Variants in SETD3 observed in about 807,000 individuals in gnomAD.
The protein encoded by SETD3 is actin-histidine N-methyltransferase.
In SETD3, 19 loss-of-function variants were observed where a neutral mutation model predicts 63.0. The ratio of observed to expected loss-of-function variants is 0.30; its 90% CI spans 0.21 to 0.44. The LOEUF (loss-of-function observed/expected upper bound fraction) is 0.44, where lower values mean the gene tolerates loss of function less well. Ranked by LOEUF, SETD3 falls within the 20% of genes least tolerant of loss-of-function variation. The pLI is 1.00. For synonymous variants in SETD3, 286 were observed against 264.1 expected (o/e 1.08, Z -0.80); for missense variants, 587 against 728.5 (o/e 0.81, Z 2.24).
At chr14:99,477,648 G>A (rs952910352) in intron 1 of SETD3, among the ~76,000 whole-genome samples, 17 of 150,364 alleles carry the variant, frequency 1.1e-4, no homozygotes, top group African/African-American at 3.9e-4. Flanking sequence ...CAGCTGCTCA[G>A]AGGCTGAGGC....
chr14:99,441,066 T>C (rs1355932026), intron 6 of SETD3, among the ~76,000 whole-genome samples: 1 of 152,198 alleles, frequency 6.6e-6, no homozygotes, highest in East Asian at 1.9e-4. Context: ...TGTAGACTCC[T>C]CTCAGGTTTA....
chr14:99,453,860 A>C (rs765067958), intron 6 of SETD3, among the ~76,000 whole-genome samples: 2 of 152,054 alleles, frequency 1.3e-5, no homozygotes, highest in Non-Finnish European at 2.9e-5. Context: ...GTGTATTATC[A>C]ATATGTAATG....
rs756682785 is a variant in SETD3 at position 99,412,963 on chromosome 14, G to A, written c.837C>T (p.His279=). The A allele has an allele frequency of 6.2e-7, 1 of 1,610,160 alleles. No homozygotes were observed. The highest frequency in any genetic ancestry group is 8.5e-7 in the Non-Finnish European group (1 of 1,176,412). The change falls in exon 8 of 13, where the codon CAC becomes CAT. Residue 279 remains histidine, a synonymous_variant. Coordinates refer to ENST00000331768, the MANE Select transcript of SETD3 (RefSeq NM_032233.3). The part of the protein sequence containing the change: ...ALIPLWDMCN[H]TNGLITTGYN... Reference sequence around the variant, plus strand: ...AAGAGGTCGTTACCAGGCCGTTGGTGTGGTTACACATATCCCATAAAGGAA... The same window carrying A: ...AAGAGGTCGTTACCAGGCCGTTGGTATGGTTACACATATCCCATAAAGGAA...
intron 6 of SETD3, among the ~76,000 whole-genome samples, chr14:99,419,114 C>T (rs1048017608): frequency 6.6e-6 from 1 of 152,118 alleles, no homozygotes; most frequent in African/African-American, 2.4e-5. Context: ...GGAAAAAAAT[C>T]AATTTTTAAG....
At chr14:99,458,854 G>A (rs1894913334) in intron 5 of SETD3, among the ~76,000 whole-genome samples, 1 of 151,458 alleles carries the variant, frequency 6.6e-6, no homozygotes. Context: ...GGGAGATCAA[G>A]GCTGTAGTGA....
chr14:99,437,523 G>C (rs1418055318), intron 6 of SETD3, among the ~76,000 whole-genome samples: 2 of 152,196 alleles, frequency 1.3e-5, no homozygotes, highest in African/African-American at 4.8e-5. Flanking sequence ...AACTACACCA[G>C]CACCTCTCTG....
At chr14:99,446,088 C>T (rs1171471483) in intron 6 of SETD3, among the ~76,000 whole-genome samples, 1 of 152,140 alleles carries the variant, frequency 6.6e-6, no homozygotes. Context: ...TCAGCTTCCG[C>T]CTTGACTGGG....
chr14:99,433,442 G>T (rs1037908168), intron 6 of SETD3, among the ~76,000 whole-genome samples: 13 of 151,706 alleles, frequency 8.6e-5, no homozygotes, highest in African/African-American at 3.2e-4. Context: ...TATTTTAAAA[G>T]TTCTTTTTTT....
At chr14:99,413,330 C>T in intron 7 of SETD3, 1 of 383,820 alleles carries the variant, frequency 2.6e-6, no homozygotes, top group Middle Eastern at 7.0e-4. Flanking sequence ...GGGCTCAGGC[C>T]CCTTCCCGGA....
chr14:99,473,271 A>G (rs1379558659), intron 1 of SETD3, among the ~76,000 whole-genome samples: 1 of 152,248 alleles, frequency 6.6e-6, no homozygotes, highest in Non-Finnish European at 1.5e-5. Flanking sequence ...AAGCACATTT[A>G]GTGACCTTGG....
At chr14:99,459,025 C>T (rs948642371) in intron 5 of SETD3, 88 bp downstream of exon 5, 6 of 918,584 alleles carry the variant, frequency 6.5e-6, no homozygotes, top group Non-Finnish European at 9.9e-6. Context: ...TCGAGAAAAA[C>T]CAAGTATTAT....
intron 1 of SETD3, among the ~76,000 whole-genome samples, chr14:99,467,290 A>G (rs1895441866): frequency 6.6e-6 from 1 of 152,142 alleles, no homozygotes; most frequent in South Asian, 2.1e-4. Flanking sequence ...AATACAAGGA[A>G]TTTTTTTTCT....
rs71110599 is a variant in SETD3, at chr14:99,434,847, CAAAAAAAAAAAAAAAAA to C, written c.676-20930_676-20914del. Among the ~76,000 whole-genome samples the C allele has an allele frequency of 9.9e-5, 3 of 30,432 alleles. No individual in the cohort carries two copies. The East Asian group carries it at 4.6e-3, about 47-fold the overall frequency. The allele number at this position is 30,432 out of a possible 152,430, so 20.0% of individuals were successfully genotyped here. ...GGGCAACAAGAGCAAAACTCTGCCT[CAAAAAAAAAAAAAAAAA>C]AAAAAAAAAAAACAACCTACATTTA... On this transcript the variant is annotated intron_variant, in intron 6 of 12. Coordinates refer to ENST00000331768, the MANE Select transcript of SETD3 (RefSeq NM_032233.3).
intron 8 of SETD3, chr14:99,410,244 G>C (rs1473739427): frequency 6.2e-7 from 1 of 1,613,494 alleles, no homozygotes; most frequent in Admixed American, 1.7e-5. Context: ...CCAGAGGTGA[G>C]TCAGACCTGT....
intron 9 of SETD3, among the ~76,000 whole-genome samples, chr14:99,406,209 T>C (rs1452953089): frequency 2.0e-5 from 3 of 152,224 alleles, no homozygotes; most frequent in Admixed American, 6.5e-5. Flanking sequence ...TTTAGTGTCA[T>C]AACACACTTT....
At chr14:99,480,079 C>G (rs1245339609) in intron 1 of SETD3, among the ~76,000 whole-genome samples, 1 of 152,244 alleles carries the variant, frequency 6.6e-6, no homozygotes, top group African/African-American at 2.4e-5. Context: ...GTGTGGAGCA[C>G]GGCCAGGGGC....
intron 6 of SETD3, among the ~76,000 whole-genome samples, chr14:99,428,566 A>G (rs886195943): frequency 4.2e-4 from 64 of 152,284 alleles, no homozygotes; most frequent in African/African-American, 1.1e-3. Context: ...GGATTGTTTG[A>G]GCCAAGGAGG....
rs185018092 is a variant in SETD3 at position 99,417,133 on chromosome 14, T to A, written c.676-3199A>T. 5.8e-3 allele frequency among the ~76,000 whole-genome samples: 882 copies of A among 152,348 alleles called. 9 individuals are homozygous for A. Among genetic ancestry groups the A allele is most frequent in the African/African-American group, 0.02 (846 of 41,578 alleles). On this transcript the variant is annotated intron_variant, in intron 6 of 12. Transcript: ENST00000331768. The stretch of plus-strand genomic sequence containing the variant: ...AAACCACTACAGTCAGCATATTTGA[T>A]CCTTATTAAAGTTCCGTCTTGAACT...
At chr14:99,470,476 T>C (rs1895640896) in intron 1 of SETD3, among the ~76,000 whole-genome samples, 1 of 152,192 alleles carries the variant, frequency 6.6e-6, no homozygotes, top group Admixed American at 6.5e-5. Context: ...GGGCTGCCTA[T>C]CCTTCTTCCA....
Sources: allele counts gnomAD v4.1 joint callset (sites outside exome capture counted in the v4.1 genomes callset), GRCh38; gene constraint gnomAD v4.1.1; transcripts MANE v1.5; gene names NCBI Gene and HGNC (gene_info 2026-07-23, HGNC 2026-07-21).